Variants in NRG1 observed in about 807,000 individuals in gnomAD.
NRG1 encodes the protein neuregulin 1.
A neutral mutation model predicts 63.8 loss-of-function variants in NRG1; 18 were observed. The observed-to-expected ratio is 0.28, with a 90% CI of 0.19 to 0.42. The LOEUF (loss-of-function observed/expected upper bound fraction) is 0.42, where lower values mean the gene tolerates loss of function less well. Among genes scored for constraint, NRG1 ranks in the 10% least tolerant of loss-of-function variants. The probability of loss-of-function intolerance (pLI) is 1.00; values close to 1 mark genes in which losing one functional copy is unlikely to be tolerated. For missense variants in NRG1, 762 were observed against 814.7 expected (o/e 0.94, Z 0.79); for synonymous variants, 302 against 301.3 (o/e 1.00, Z -0.02).
At chr8:31,790,217 T>C (rs1176880182) in intron 1 of NRG1, among the ~76,000 whole-genome samples, 2 of 152,200 alleles carry the variant, frequency 1.3e-5, no homozygotes, top group Non-Finnish European at 2.9e-5. Flanking sequence ...AGAAGGGATC[T>C]TAAGAAATTT....
chr8:31,903,965 A>T (rs545521827), intron 1 of NRG1, among the ~76,000 whole-genome samples: 6 of 152,260 alleles, frequency 3.9e-5, no homozygotes, highest in African/African-American at 1.4e-4. Flanking sequence ...ACAAAAAAAA[A>T]TTTCTCTCTA....
chr8:31,895,576 C>T (rs1449299598), intron 1 of NRG1, among the ~76,000 whole-genome samples: 1 of 152,122 alleles, frequency 6.6e-6, no homozygotes, highest in East Asian at 1.9e-4. Flanking sequence ...CATTTTTATC[C>T]AGGTGCAAAA....
intron 1 of NRG1, among the ~76,000 whole-genome samples, chr8:32,265,863 AAATC>A (rs1483856189): frequency 2.6e-5 from 4 of 152,142 alleles, no homozygotes; most frequent in Non-Finnish European, 4.4e-5. Flanking sequence ...ATAAAAATAA[AAATC>A]AATACAATAT....
At chr8:32,420,685 A>G (rs868050321) in intron 1 of NRG1, among the ~76,000 whole-genome samples, 51 of 152,134 alleles carry the variant, frequency 3.4e-4, no homozygotes, top group African/African-American at 1.2e-3. Context: ...GTGCTTGACA[A>G]TGTAGGGATT....
At chr8:31,677,085 G>A (rs1585594005) in intron 1 of NRG1, among the ~76,000 whole-genome samples, 2 of 152,236 alleles carry the variant, frequency 1.3e-5, no homozygotes, top group East Asian at 3.9e-4. Context: ...ATTTTCAGTA[G>A]TATGAAAATG....
intron 1 of NRG1, among the ~76,000 whole-genome samples, chr8:31,963,851 G>A (rs974842052): frequency 6.6e-6 from 1 of 152,150 alleles, no homozygotes; most frequent in Non-Finnish European, 1.5e-5. Flanking sequence ...AGTTATCTCC[G>A]TAACTCTAGG....
In NRG1 at chr8:32,764,257, A is replaced by AC; in HGVS notation, c.1774dup (p.Leu592ProfsTer6). On this transcript the variant is annotated frameshift_variant, in exon 12 of 12. Transcript: ENST00000356819. LOFTEE classifies it high-confidence loss of function. ...GATACGCCTTTCCTGGGCATACAGA[A>AC]CCCCCTGGCAGCCAGTCTTGAGGCA... 6.2e-7 allele frequency: 1 copy of AC among 1,613,812 alleles called. No homozygotes were observed. Among genetic ancestry groups the AC allele is most frequent in the Non-Finnish European group, 8.5e-7 (1 of 1,179,940 alleles).
intron 7 of NRG1, chr8:32,743,375 C>A: frequency 4.7e-6 from 1 of 214,866 alleles, no homozygotes; most frequent in African/African-American, 2.3e-5. Flanking sequence ...GTAATTCAGG[C>A]ACTAGTTTAA....
intron 1 of NRG1, among the ~76,000 whole-genome samples, chr8:31,796,684 G>A (rs192635920): frequency 6.6e-6 from 1 of 152,008 alleles, no homozygotes; most frequent in African/African-American, 2.4e-5. Context: ...TGATCTGCCT[G>A]CCTCAGCCTC....
intron 1 of NRG1, among the ~76,000 whole-genome samples, chr8:31,985,698 G>A (rs943552262): frequency 1.3e-5 from 2 of 152,028 alleles, no homozygotes; most frequent in African/African-American, 4.8e-5. Flanking sequence ...TATGTAGTTA[G>A]TTTTGTGTAT....
At chr8:32,144,826 G>T (rs1355591123) in intron 1 of NRG1, among the ~76,000 whole-genome samples, 1 of 152,062 alleles carries the variant, frequency 6.6e-6, no homozygotes. Context: ...CTGGATCCTG[G>T]GTTGCCTGTT....
intron 1 of NRG1, among the ~76,000 whole-genome samples, chr8:31,876,307 G>A (rs891911510): frequency 1.3e-5 from 2 of 152,120 alleles, no homozygotes; most frequent in Non-Finnish European, 2.9e-5. Flanking sequence ...AAATATGGAG[G>A]CAATAATAGC....
At chr8:32,595,127 TG>T (rs1843128072) in intron 1 of NRG1, among the ~76,000 whole-genome samples, 1 of 152,218 alleles carries the variant, frequency 6.6e-6, no homozygotes, top group South Asian at 2.1e-4. Context: ...CACTGTGATT[TG>T]GGATGTGAAC....
chr8:32,376,289 G>A (rs925025526), intron 1 of NRG1, among the ~76,000 whole-genome samples: 9 of 152,172 alleles, frequency 5.9e-5, no homozygotes, highest in Non-Finnish European at 8.8e-5. Flanking sequence ...AGATCGCTCT[G>A]GCCATTCCCT....
chr8:32,553,952 T>C (rs1834623490), intron 1 of NRG1, among the ~76,000 whole-genome samples: 1 of 152,220 alleles, frequency 6.6e-6, no homozygotes, highest in Non-Finnish European at 1.5e-5. Context: ...CAATGTTCTG[T>C]TAGCATTCTC....
intron 1 of NRG1, among the ~76,000 whole-genome samples, chr8:31,706,696 A>G (rs903810863): frequency 6.6e-6 from 1 of 152,196 alleles, no homozygotes; most frequent in Non-Finnish European, 1.5e-5. Flanking sequence ...CCTCAGCCTT[A>G]CCAATAGAGC....
chr8:32,076,686 A>T (rs186202649), intron 1 of NRG1, among the ~76,000 whole-genome samples: 2 of 150,194 alleles, frequency 1.3e-5, no homozygotes, highest in Non-Finnish European at 3.0e-5. Flanking sequence ...GTTTACCTAT[A>T]TAACAAACCT....
At chr8:31,745,665 G>T (rs953281639) in intron 1 of NRG1, among the ~76,000 whole-genome samples, 1 of 151,886 alleles carries the variant, frequency 6.6e-6, no homozygotes, top group Non-Finnish European at 1.5e-5. Context: ...TCTTTGAGGG[G>T]CATTAATATT....
intron 1 of NRG1, among the ~76,000 whole-genome samples, chr8:32,482,757 C>A (rs1825459703): frequency 1.3e-5 from 2 of 152,050 alleles, no homozygotes; most frequent in African/African-American, 4.8e-5. Flanking sequence ...CAGACTCTTT[C>A]GAGTGTTGAA....
Sources: allele counts gnomAD v4.1 joint callset (sites outside exome capture counted in the v4.1 genomes callset), GRCh38; gene constraint gnomAD v4.1.1; transcripts MANE v1.5; gene names NCBI Gene and HGNC (gene_info 2026-07-23, HGNC 2026-07-21).